Variants in CGGBP1 observed in about 807,000 individuals in gnomAD.
The protein encoded by CGGBP1 is CGG triplet repeat binding protein 1, also known as CGG triplet repeat-binding protein 1.
In CGGBP1, 4 loss-of-function variants were observed where a neutral mutation model predicts 11.4. That is an observed-to-expected ratio of 0.35 (90% CI 0.17 to 0.80). CGGBP1 has a LOEUF of 0.80. Among genes scored for constraint, CGGBP1 ranks in the 30% least tolerant of loss-of-function variants. The pLI, the probability that CGGBP1 is intolerant of heterozygous loss-of-function variation, is 0.52. For missense variants in CGGBP1, 135 were observed against 202.1 expected (o/e 0.67, Z 2.01); for synonymous variants, 76 against 74.1 (o/e 1.03, Z -0.13).
intron 2 of CGGBP1, among the ~76,000 whole-genome samples, chr3:88,069,127 G>C (rs1266332741): frequency 1.0e-5 from 1 of 98,652 alleles, no homozygotes; most frequent in African/African-American, 3.1e-5. Flanking sequence ...TTCCCCATCA[G>C]AAGTGATTCT....
upstream of CGGBP1, among the ~76,000 whole-genome samples, chr3:88,060,663 A>G (rs73844845): frequency 8.4e-3 from 1,278 of 152,306 alleles, 13 homozygotes; most frequent in African/African-American, 0.028. Context: ...AAATATGTGA[A>G]GGGTTTGAAT....
At chr3:88,136,405 T>G (rs1706786348) in intron 2 of CGGBP1, among the ~76,000 whole-genome samples, 1 of 152,180 alleles carries the variant, frequency 6.6e-6, no homozygotes, top group Non-Finnish European at 1.5e-5. Flanking sequence ...TAAAAAGACT[T>G]TTATTTGTTG....
chr3:88,066,576 AAAC>A (rs942129386), intron 2 of CGGBP1, among the ~76,000 whole-genome samples: 5 of 151,822 alleles, frequency 3.3e-5, no homozygotes, highest in African/African-American at 1.2e-4. Context: ...ACAAACAAAC[AAAC>A]AAAAAAAACA....
upstream of CGGBP1, among the ~76,000 whole-genome samples, chr3:88,061,110 T>A (rs568106230): frequency 1.3e-5 from 2 of 152,160 alleles, no homozygotes; most frequent in Non-Finnish European, 2.9e-5. Flanking sequence ...TTTGTAACTA[T>A]ACCTTTTACA....
At chr3:88,071,728 C>T (rs1382057273) in intron 2 of CGGBP1, among the ~76,000 whole-genome samples, 5 of 151,420 alleles carry the variant, frequency 3.3e-5, no homozygotes, top group Non-Finnish European at 7.4e-5. Context: ...CACTTGAACC[C>T]GGGAGGCAGA....
intron 2 of CGGBP1, among the ~76,000 whole-genome samples, chr3:88,106,344 T>C (rs1704736500): frequency 6.6e-6 from 1 of 152,210 alleles, no homozygotes; most frequent in Non-Finnish European, 1.5e-5. Context: ...ATTTATCTTT[T>C]TGTTTTTTTG....
chr3:88,097,025 G>A (rs1704104474), intron 2 of CGGBP1, among the ~76,000 whole-genome samples: 1 of 152,092 alleles, frequency 6.6e-6, no homozygotes, highest in East Asian at 1.9e-4. Context: ...TGGCTGTAGA[G>A]TATTTCACTC....
At chr3:88,064,203 G>A (rs1399773875) in intron 2 of CGGBP1, among the ~76,000 whole-genome samples, 1 of 150,260 alleles carries the variant, frequency 6.7e-6, no homozygotes, top group Non-Finnish European at 1.5e-5. Context: ...GGCTATCACT[G>A]GCAACTCTTT....
At chr3:88,106,514 T>G (rs1704747030) in intron 2 of CGGBP1, among the ~76,000 whole-genome samples, 1 of 152,070 alleles carries the variant, frequency 6.6e-6, no homozygotes, top group Non-Finnish European at 1.5e-5. Context: ...ATTGTTTGTA[T>G]TTTTTGTAGA....
chr3:88,137,433 C>T (rs1706864894), intron 2 of CGGBP1, among the ~76,000 whole-genome samples: 1 of 151,964 alleles, frequency 6.6e-6, no homozygotes, highest in African/African-American at 2.4e-5. Flanking sequence ...ACTCATTCTG[C>T]AAACATTTAT....
chr3:88,118,734 G>T (rs1413934225), intron 2 of CGGBP1, among the ~76,000 whole-genome samples: 1 of 152,064 alleles, frequency 6.6e-6, no homozygotes, highest in Non-Finnish European at 1.5e-5. Context: ...TTTTTGAGGC[G>T]AATTTTCAAA....
intron 2 of CGGBP1, among the ~76,000 whole-genome samples, chr3:88,068,771 T>A (rs1707340485): frequency 6.6e-6 from 1 of 152,196 alleles, no homozygotes; most frequent in Non-Finnish European, 1.5e-5. Flanking sequence ...TATTCTCATT[T>A]TTATAGGTCA....
chr3:88,088,441 TACA>T (rs1326351670), intron 2 of CGGBP1, among the ~76,000 whole-genome samples: 1 of 152,268 alleles, frequency 6.6e-6, no homozygotes, highest in African/African-American at 2.4e-5. Flanking sequence ...AGAAGTTACG[TACA>T]ACATTAAAAA....
intron 2 of CGGBP1, among the ~76,000 whole-genome samples, chr3:88,072,674 T>A (rs986308358): frequency 6.6e-6 from 1 of 152,152 alleles, no homozygotes. Context: ...TTTTTCCCCC[T>A]TACCTGTGTT....
rs574163950 is a variant in CGGBP1 at position 88,099,270 on chromosome 3, AC to A, written c.-228-41048del. Reference sequence around the variant, plus strand: ...AATAAAATACCTAGGAATCCAACTTACAAGGGATGTGAAGGACCTCTTCAAG... The same window carrying A: ...AATAAAATACCTAGGAATCCAACTTAAAGGGATGTGAAGGACCTCTTCAAG... On this transcript the variant is annotated intron_variant, in intron 2 of 3. Coordinates refer to the CGGBP1 transcript ENST00000462901. Among the ~76,000 whole-genome samples the A allele has an allele frequency of 2.8e-4, 42 of 152,348 alleles. 1 individual carries two copies. The South Asian group carries it at 7.0e-3, about 26-fold the overall frequency.
intron 2 of CGGBP1, among the ~76,000 whole-genome samples, chr3:88,102,561 C>A (rs1704487923): frequency 1.3e-5 from 2 of 152,160 alleles, no homozygotes; most frequent in Non-Finnish European, 2.9e-5. Flanking sequence ...TTCTCTATCA[C>A]TGGGATTCAC....
chr3:88,133,634 C>G (rs1706595898), intron 2 of CGGBP1, among the ~76,000 whole-genome samples: 2 of 152,096 alleles, frequency 1.3e-5, no homozygotes, highest in Admixed American at 6.6e-5. Context: ...AGCAGTTTAG[C>G]TGAGAGTTAG....
In CGGBP1 at chr3:88,055,989, T is replaced by C; in HGVS notation, c.-13A>G. 6.3e-7 allele frequency: 1 copy of C among 1,583,512 alleles called. No individual in the cohort carries two copies. The highest frequency in any genetic ancestry group is 2.2e-5 in the East Asian group (1 of 44,588). On this transcript the variant is annotated 5_prime_UTR_variant, in exon 4 of 4. Coordinates refer to ENST00000482016, the MANE Select transcript of CGGBP1 (RefSeq NM_001008390.2). This position sits in a 1 kb window ranked among gnomAD's most constrained non-coding sequence, Gnocchi z 4.2. ...CAAATCGCTCCATTCTGACTCTAAA[T>C]AAATATGGTTCTTTCAAGACAAAAG...
intron 2 of CGGBP1, among the ~76,000 whole-genome samples, chr3:88,109,355 G>GTA (rs1378703246): frequency 1.3e-5 from 2 of 152,098 alleles, no homozygotes; most frequent in Non-Finnish European, 2.9e-5. Context: ...CCTTCAGTTA[G>GTA]TATATATAGA....
Sources: allele counts gnomAD v4.1 joint callset (sites outside exome capture counted in the v4.1 genomes callset), GRCh38; gene constraint gnomAD v4.1.1; non-coding constraint Gnocchi (gnomAD v3.1); transcripts MANE v1.5; gene names NCBI Gene and HGNC (gene_info 2026-07-23, HGNC 2026-07-21).